Variants in KLHL8 observed in about 807,000 individuals in gnomAD.
The protein encoded by KLHL8 is kelch-like protein 8.
In KLHL8, 38 loss-of-function variants were observed where a neutral mutation model predicts 63.5. That is an observed-to-expected ratio of 0.60 (90% CI 0.46 to 0.78). The LOEUF is 0.78. Ranked by LOEUF, KLHL8 falls within the 30% of genes least tolerant of loss-of-function variation. The pLI is 0.00. For synonymous variants in KLHL8, 224 were observed against 254.3 expected, an observed-to-expected ratio of 0.88 and a Z score of 1.13; for missense variants, 566 against 752.4, an observed-to-expected ratio of 0.75 and a Z score of 2.90.
chr4:87,185,593 T>A lies in KLHL8; in HGVS notation c.423A>T (p.Leu141Phe). The change falls in exon 3 of 10, where the codon TTA becomes TTT. Residue 141 changes from leucine (L) to phenylalanine (F), a missense_variant. Transcript: ENST00000273963. ...CAACCTGCAGAATACAGGCTGCATA[T>A]AAGAGAGGCTGGACATTGTCAACAG... is the stretch of plus-strand genomic sequence containing the variant. ...TLTVDNVQPL[L>F]YAACILQVEL... 6.2e-7 allele frequency: 1 copy of A among 1,614,194 alleles called. No individual in the cohort carries two copies. Among genetic ancestry groups the A allele is most frequent in the South Asian group, 1.1e-5 (1 of 91,088 alleles).
At chr4:87,180,119 T>G (rs1730993655) in intron 4 of KLHL8, among the ~76,000 whole-genome samples, 1 of 152,244 alleles carries the variant, frequency 6.6e-6, no homozygotes, top group Non-Finnish European at 1.5e-5. Context: ...TTTCTCTCTC[T>G]TAAACTTCAT....
chr4:87,168,379 T>G (rs1181822374), intron 8 of KLHL8, among the ~76,000 whole-genome samples: 1 of 152,124 alleles, frequency 6.6e-6, no homozygotes, highest in African/African-American at 2.4e-5. Context: ...GGAACAGCGC[T>G]TGGTGTTGGC....
intron 1 of KLHL8, among the ~76,000 whole-genome samples, chr4:87,233,127 C>A (rs1236309359): frequency 6.6e-6 from 1 of 151,986 alleles, no homozygotes; most frequent in Non-Finnish European, 1.5e-5. Flanking sequence ...GCAACCTTCG[C>A]CTCCAGGGTT....
In KLHL8 at chr4:87,214,415, G is replaced by GATATATATATAT. The variant is rs58112792; in HGVS notation, c.-152+5991_-152+6002dup. ...TGAGTTAACAAACTGGCACATAACA[G>GATATATATATAT]ATATATATATATATATATATATATA... is the stretch of plus-strand genomic sequence containing the variant. On this transcript the variant is annotated intron_variant, in intron 1 of 9. Transcript: ENST00000273963. Among the ~76,000 whole-genome samples the GATATATATATAT allele has an allele frequency of 4.7e-3, 441 of 92,914 alleles. 24 individuals are homozygous for GATATATATATAT. Among genetic ancestry groups the GATATATATATAT allele is most frequent in the Non-Finnish European group, 6.3e-3 (264 of 42,220 alleles). 61.0% of individuals were successfully genotyped at this position (92,914 alleles called of 152,430 possible).
At chr4:87,195,750 T>TATATATGCAAAATATTTTGC (rs1731671350) in intron 1 of KLHL8, 60 bp from the exon 2 acceptor site, 2 of 466,210 alleles carry the variant, frequency 4.3e-6, no homozygotes, top group African/African-American at 2.0e-5. Context: ...TATTGTTAAC[T>TATATATGCAAAATATTTTGC]ATAATTTGTT....
At chr4:87,164,968 G>GA (rs969786725) in intron 8 of KLHL8, among the ~76,000 whole-genome samples, 3 of 151,964 alleles carry the variant, frequency 2.0e-5, no homozygotes, top group East Asian at 1.9e-4. Context: ...CTAACACGGT[G>GA]AAACCCCGTC....
intron 1 of KLHL8, among the ~76,000 whole-genome samples, chr4:87,214,793 T>TC (rs1732536764): frequency 6.6e-6 from 1 of 151,868 alleles, no homozygotes; most frequent in Admixed American, 6.6e-5. Flanking sequence ...TTTAAAGGTT[T>TC]TTTTTTGGTT....
intron 8 of KLHL8, among the ~76,000 whole-genome samples, chr4:87,164,896 C>T (rs187709115): frequency 1.3e-5 from 2 of 152,036 alleles, no homozygotes; most frequent in East Asian, 1.9e-4. Context: ...CGCCTGTAAT[C>T]CCAGCACTTT....
chr4:87,194,956 C>T (rs1731636118), intron 2 of KLHL8, among the ~76,000 whole-genome samples: 1 of 152,174 alleles, frequency 6.6e-6, no homozygotes, highest in South Asian at 2.1e-4. Context: ...TAACTTACTT[C>T]TGTATTCAGA....
At chr4:87,226,704 T>TAA (rs566563424) in intron 1 of KLHL8, among the ~76,000 whole-genome samples, 2 of 14,612 alleles carry the variant, frequency 1.4e-4, no homozygotes, top group East Asian at 1.6e-3. Flanking sequence ...ATTATTTATA[T>TAA]ATAATATATA....
chr4:87,236,144 C>T (rs1733223146), intron 1 of KLHL8, among the ~76,000 whole-genome samples: 3 of 151,996 alleles, frequency 2.0e-5, no homozygotes, highest in Non-Finnish European at 2.9e-5. Context: ...TGTCACTTTT[C>T]CTTCTACCTT....
intron 1 of KLHL8, among the ~76,000 whole-genome samples, chr4:87,208,629 C>T (rs139955999): frequency 1.9e-3 from 288 of 152,210 alleles, no homozygotes; most frequent in African/African-American, 6.3e-3. Context: ...TGAGCCACTG[C>T]GCCCAGGAGT....
In KLHL8 at chr4:87,160,521, C is replaced by T. The variant is rs1317711311; in HGVS notation, c.*2998G>A. 2.0e-5 allele frequency: 3 copies of T among 152,132 alleles called. No individual in the cohort carries two copies. The highest frequency in any genetic ancestry group is 7.2e-5 in the African/African-American group (3 of 41,436). 9.4% of individuals were successfully genotyped at this position (152,132 alleles called of 1,614,324 possible). On this transcript the variant is annotated 3_prime_UTR_variant, in exon 10 of 10. Transcript: ENST00000273963. ...GTCCTTACCAAGGCATTCAACAGCACTGTAAGTTCAAAGTTCATTTGGGAA... is the reference window on the plus strand; with the variant it reads ...GTCCTTACCAAGGCATTCAACAGCATTGTAAGTTCAAAGTTCATTTGGGAA...
chr4:87,189,795 C>T lies in KLHL8; in HGVS notation c.217-3996G>A, dbSNP rs532277707. Among the ~76,000 whole-genome samples, 5 of 151,692 alleles carry T rather than the reference C, an allele frequency of 3.3e-5. No homozygotes were observed. The South Asian group carries it at 6.3e-4, about 19-fold the overall frequency. On this transcript the variant is annotated intron_variant, in intron 2 of 9. Transcript: ENST00000273963. ...TCCCAGCACTTTGGGCGGGATCCAC[C>T]GAGGAGGGCGGATCAGGAGGTCAGG... is the stretch of plus-strand genomic sequence containing the variant.
intron 2 of KLHL8, among the ~76,000 whole-genome samples, chr4:87,193,041 TAAAC>T (rs1160019387): frequency 2.0e-5 from 3 of 152,202 alleles, no homozygotes; most frequent in African/African-American, 7.2e-5. Flanking sequence ...GTAGACTTTA[TAAAC>T]ACTGTACACT....
Position 87,185,631 on chromosome 4 carries a change from G to A in KLHL8, c.385C>T (p.Arg129Trp), listed in dbSNP as rs1731223421. The A allele has an allele frequency of 2.5e-6, 4 of 1,614,182 alleles. No individual in the cohort carries two copies. The highest frequency in any genetic ancestry group is 2.2e-5 in the East Asian group (1 of 44,880). The change falls in exon 3 of 10, where the codon CGG (arginine) becomes TGG (tryptophan). Residue 129 changes from arginine (R) to tryptophan (W), a missense_variant. Transcript: ENST00000273963. ...ACATTGTCAACAGTCAAAGTGAGCC[G>A]TGAAGAATAGACAAACTTTACCAAG... ...EDLVKFVYSS[R>W]LTLTVDNVQP... is the part of the protein sequence containing the mutation.
upstream of KLHL8, chr4:87,221,492 G>A (rs1041807157): frequency 6.6e-6 from 1 of 151,598 alleles, no homozygotes; most frequent in Admixed American, 6.6e-5. Flanking sequence ...TGTGAGGCGG[G>A]AGATCAAGAG....
At chr4:87,191,425 G>A (rs985550829) in intron 2 of KLHL8, among the ~76,000 whole-genome samples, 4 of 152,108 alleles carry the variant, frequency 2.6e-5, no homozygotes, top group African/African-American at 9.7e-5. Flanking sequence ...CTGCATCACT[G>A]TACTCCAGCC....
chr4:87,185,142 A>C, intron 3 of KLHL8, 109 bp downstream of exon 3: 1 of 1,085,602 alleles, frequency 9.2e-7, no homozygotes, highest in Non-Finnish European at 1.3e-6. Context: ...TATTACATCA[A>C]TAATTTCTAT....
Sources: allele counts gnomAD v4.1 joint callset (sites outside exome capture counted in the v4.1 genomes callset), GRCh38; gene constraint gnomAD v4.1.1; transcripts MANE v1.5; gene names NCBI Gene and HGNC (gene_info 2026-07-23, HGNC 2026-07-21).